SFTPD: variants seen among roughly 807,000 people sequenced by gnomAD.
SFTPD encodes the protein pulmonary surfactant-associated protein D.
A neutral mutation model predicts 34.6 loss-of-function variants in SFTPD; 18 were observed. That is an observed-to-expected ratio of 0.52 (90% CI 0.36 to 0.77). The LOEUF (loss-of-function observed/expected upper bound fraction) is 0.77. Ranked by LOEUF, SFTPD falls within the 30% of genes least tolerant of loss-of-function variation. The probability of loss-of-function intolerance (pLI) is 0.00; values close to 1 mark genes in which losing one functional copy is unlikely to be tolerated. For missense variants in SFTPD, 433 were observed against 468.9 expected, an observed-to-expected ratio of 0.92 and a Z score of 0.71; for synonymous variants, 155 against 180.9, an observed-to-expected ratio of 0.86 and a Z score of 1.15.
intron 1 of SFTPD, among the ~76,000 whole-genome samples, chr10:79,948,851 C>G (rs1842690673): frequency 6.6e-6 from 1 of 152,158 alleles, no homozygotes; most frequent in Non-Finnish European, 1.5e-5. Context: ...ACCCCCAGCT[C>G]AGAAAGCAAA....
At position 79,941,439 on chromosome 10, in the gene SFTPD, A is replaced by G; in HGVS notation, c.626T>C (p.Ile209Thr). 1 of 1,613,982 alleles carries G rather than the reference A, an allele frequency of 6.2e-7. No individual in the cohort carries two copies. The change falls in exon 6 of 8, where the codon ATT (isoleucine) becomes ACT (threonine). Residue 209 changes from isoleucine to threonine, a missense_variant. Physicochemically the swap from Ile to Thr is moderately conservative, Grantham distance 89. Coordinates refer to ENST00000372292, the MANE Select transcript of SFTPD (RefSeq NM_003019.5). Reference protein sequence around the residue: ...GPPGLKGDKGIPGDKGAKGES... With the variant: ...GPPGLKGDKGTPGDKGAKGES... ...TCCCTTTGCTCCTTTGTCTCCAGGA[A>G]TGCCTTTGTCCCCCTTCAATCCCGG...
intron 1 of SFTPD, among the ~76,000 whole-genome samples, chr10:79,947,869 A>G (rs1334026380): frequency 6.6e-6 from 1 of 152,202 alleles, no homozygotes; most frequent in South Asian, 2.1e-4. Flanking sequence ...TGTTTTGGGT[A>G]TCTTTTCTCT....
intron 1 of SFTPD, chr10:79,972,543 A>G (rs1021703035): frequency 6.8e-6 from 1 of 147,960 alleles, no homozygotes; most frequent in African/African-American, 2.6e-5. Context: ...CACACGGAGC[A>G]TTTTGACTCA....
chr10:79,945,636 A>G (rs1589335638), intron 2 of SFTPD, among the ~76,000 whole-genome samples: 1 of 152,242 alleles, frequency 6.6e-6, no homozygotes, highest in Middle Eastern at 3.4e-3. Flanking sequence ...AAGATAATTC[A>G]CCTATTAGGT....
chr10:79,966,660 T>A (rs1289583774), intron 1 of SFTPD, among the ~76,000 whole-genome samples: 3 of 146,858 alleles, frequency 2.0e-5, no homozygotes, highest in Admixed American at 1.3e-4. Flanking sequence ...TCCTTGCCCA[T>A]GCCTATGTCC....
chr10:79,963,070 C>G (rs1302395020), intron 1 of SFTPD, among the ~76,000 whole-genome samples: 1 of 152,118 alleles, frequency 6.6e-6, no homozygotes, highest in African/African-American at 2.4e-5. Context: ...CAGCTGGGCA[C>G]AGTGGTTCAC....
intron 1 of SFTPD, among the ~76,000 whole-genome samples, chr10:79,956,510 A>T (rs1323451575): frequency 6.6e-6 from 1 of 152,248 alleles, no homozygotes; most frequent in Admixed American, 6.5e-5. Context: ...TATATCCCGC[A>T]CCTGGCTTGG....
At chr10:79,976,814 A>G (rs1842866372) in intron 1 of SFTPD, among the ~76,000 whole-genome samples, 1 of 152,188 alleles carries the variant, frequency 6.6e-6, no homozygotes, top group South Asian at 2.1e-4. Context: ...GTTGAATTGT[A>G]TCTCCCAGAA....
rs750127260 is a variant in SFTPD, at chr10:79,937,828, A to C, written c.*24T>G. ...TTCTGGCCAAACTCCTGGGCCAAGC[A>C]CTGCCCCACCCACCCCAGTTGGCTC... On this transcript the variant is annotated 3_prime_UTR_variant, in exon 8 of 8. Coordinates refer to ENST00000372292, the MANE Select transcript of SFTPD (RefSeq NM_003019.5). 6.6e-7 allele frequency: 1 copy of C among 1,519,762 alleles called. No individual in the cohort carries two copies. Among genetic ancestry groups the C allele is most frequent in the Non-Finnish European group, 8.8e-7 (1 of 1,131,462 alleles). The allele number at this position is 1,519,762 out of a possible 1,614,324, so 94.1% of individuals were successfully genotyped here.
chr10:79,959,395 T>C (rs1429022125), intron 1 of SFTPD, among the ~76,000 whole-genome samples: 1 of 152,092 alleles, frequency 6.6e-6, no homozygotes, highest in African/African-American at 2.4e-5. Flanking sequence ...GATAGACTGC[T>C]AGCAAGACTA....
intron 1 of SFTPD, among the ~76,000 whole-genome samples, chr10:79,947,712 T>G (rs1212788245): frequency 6.6e-6 from 1 of 151,952 alleles, no homozygotes; most frequent in South Asian, 2.1e-4. Context: ...AAGTCTTATA[T>G]GGAAAGAGGA....
rs747193572 is a variant in SFTPD at position 79,938,120 on chromosome 10, T to C, written c.860A>G (p.Gln287Arg). ...AGCGGCAGAGCGTGGAGAGGCCAAC[T>C]GTCCACCAGCCTGTGTGCACAGCAG... ...AQLLCTQAGG[Q>R]LASPRSAAEN... Residue 287 changes from glutamine (Q) to arginine (R), a missense_variant, in exon 8 of 8, where the codon CAG (glutamine) becomes CGG (arginine). By Grantham distance (43) the Gln-to-Arg change is conservative. Transcript: ENST00000372292. 8 of 1,614,006 alleles carry C rather than the reference T, an allele frequency of 5.0e-6. No individual in the cohort carries two copies. In the Admixed American group the frequency reaches 1.3e-4, roughly 27 times the overall value.
chr10:79,962,315 CA>C (rs1342111991), intron 1 of SFTPD, among the ~76,000 whole-genome samples: 1 of 151,356 alleles, frequency 6.6e-6, no homozygotes, highest in Non-Finnish European at 1.5e-5. Context: ...AAAAAATCAC[CA>C]AAACTCCACC....
intron 1 of SFTPD, among the ~76,000 whole-genome samples, chr10:79,962,038 G>A (rs568336679): frequency 1.5e-3 from 205 of 137,028 alleles, no homozygotes; most frequent in African/African-American, 5.1e-3. Context: ...GCAAACTATC[G>A]CAAGGACAAA....
intron 5 of SFTPD, 42 bp from the exon 6 acceptor site, chr10:79,941,556 AT>A (rs771177025): frequency 9.6e-5 from 142 of 1,477,238 alleles, no homozygotes; most frequent in South Asian, 1.0e-4. Flanking sequence ...TACTCATTTT[AT>A]TTTTTTTGTT....
At position 79,943,052 on chromosome 10, in the gene SFTPD, A is replaced by G. The variant is rs552996337; in HGVS notation, c.200-173T>C. On this transcript the variant is annotated intron_variant, in intron 2 of 7. Transcript: ENST00000372292. ...AAATGGGTATCAACATCCCCATTTTATAGATGAGGAAGAAGCCTTCCAGAG... is the reference window on the plus strand; with the variant it reads ...AAATGGGTATCAACATCCCCATTTTGTAGATGAGGAAGAAGCCTTCCAGAG... Among the ~76,000 whole-genome samples, 3 of 152,224 alleles carry G rather than the reference A, an allele frequency of 2.0e-5. No homozygotes were observed. In the South Asian group the frequency reaches 6.2e-4, roughly 32 times the overall value.
At chr10:79,954,823 C>T (rs79947284) in intron 1 of SFTPD, among the ~76,000 whole-genome samples, 8,297 of 152,198 alleles carry the variant, frequency 0.055, 554 homozygotes, top group East Asian at 0.39. Context: ...CAAGGCAGGG[C>T]TTGGAACAAG....
intron 1 of SFTPD, among the ~76,000 whole-genome samples, chr10:79,954,545 G>A (rs1489663572): frequency 6.6e-6 from 1 of 152,140 alleles, no homozygotes; most frequent in East Asian, 1.9e-4. Flanking sequence ...TGGTGGGTGG[G>A]TGGTGGGTGC....
chr10:79,963,555 G>A (rs569810628), intron 1 of SFTPD, among the ~76,000 whole-genome samples: 1 of 151,974 alleles, frequency 6.6e-6, no homozygotes, highest in African/African-American at 2.4e-5. Context: ...ATTAAAATCT[G>A]ATTGCTATTT....
Sources: allele counts gnomAD v4.1 joint callset (sites outside exome capture counted in the v4.1 genomes callset), GRCh38; gene constraint gnomAD v4.1.1; transcripts MANE v1.5; gene names NCBI Gene and HGNC (gene_info 2026-07-23, HGNC 2026-07-21).